NTNG1: variants seen among roughly 807,000 people sequenced by gnomAD.
NTNG1 encodes netrin-G1.
In NTNG1, 16 loss-of-function variants were observed where a neutral mutation model predicts 54.0. The observed-to-expected ratio is 0.30, with a 90% CI of 0.20 to 0.45. NTNG1 has a LOEUF of 0.45. NTNG1 is among the 20% of genes least tolerant of loss of function. NTNG1 has a pLI of 1.00. For synonymous variants in NTNG1, 255 were observed against 263.1 expected (o/e 0.97, Z 0.30); for missense variants, 530 against 678.7 (o/e 0.78, Z 2.43).
chr1:107,463,750 G>A (rs1677427587), intron 7 of NTNG1, among the ~76,000 whole-genome samples: 1 of 151,872 alleles, frequency 6.6e-6, no homozygotes, highest in African/African-American at 2.4e-5. Flanking sequence ...TAAGGCAAGA[G>A]CCCTGATTAT....
intron 2 of NTNG1, among the ~76,000 whole-genome samples, chr1:107,187,253 T>C (rs1466600579): frequency 6.6e-6 from 1 of 152,174 alleles, no homozygotes; most frequent in Non-Finnish European, 1.5e-5. Flanking sequence ...TTTTCATTGT[T>C]ATACCCTAGC....
At chr1:107,319,874 T>C (rs547828942) in intron 2 of NTNG1, among the ~76,000 whole-genome samples, 48 of 150,870 alleles carry the variant, frequency 3.2e-4, no homozygotes, top group African/African-American at 1.1e-3. Context: ...TTTATATATA[T>C]ATATATATAT....
At chr1:107,430,707 CTACTG>C (rs1254435431) in intron 5 of NTNG1, 38 bp from the exon 6 acceptor site, 2 of 1,590,082 alleles carry the variant, frequency 1.3e-6, no homozygotes, top group Admixed American at 3.3e-5. Flanking sequence ...TATTACTCTG[CTACTG>C]TATACACTCT....
At chr1:107,231,874 T>C (rs1034145555) in intron 2 of NTNG1, among the ~76,000 whole-genome samples, 4 of 151,928 alleles carry the variant, frequency 2.6e-5, no homozygotes, top group Admixed American at 2.0e-4. Flanking sequence ...ATTTAGTCCA[T>C]GGATTGACCC....
At chr1:107,472,940 T>C (rs1173113164) in intron 7 of NTNG1, among the ~76,000 whole-genome samples, 1 of 152,160 alleles carries the variant, frequency 6.6e-6, no homozygotes, top group Non-Finnish European at 1.5e-5. Context: ...TAATCACAGC[T>C]CTTCAACTCC....
chr1:107,340,948 G>A (rs1050729204), intron 3 of NTNG1, among the ~76,000 whole-genome samples: 3 of 151,930 alleles, frequency 2.0e-5, no homozygotes, highest in African/African-American at 7.3e-5. Flanking sequence ...ACTAAGTAGT[G>A]GTTATTACCA....
At position 107,205,436 on chromosome 1, in the gene NTNG1, G is replaced by A. The variant is rs573825971; in HGVS notation, c.246+56597G>A. On this transcript the variant is annotated intron_variant, in intron 2 of 7. Coordinates refer to ENST00000370068, the MANE Select transcript of NTNG1 (RefSeq NM_001113226.3). ...TGACTTCCAAGTACCTTGCCTGTCC[G>A]AGCTCAAGCCAGAAATTAGTTATGG... Among the ~76,000 whole-genome samples the A allele has an allele frequency of 2.6e-5, 4 of 152,150 alleles. No homozygotes were observed. In the South Asian group the frequency reaches 6.2e-4, roughly 24 times the overall value.
At chr1:107,444,105 C>T (rs1676156429) in intron 7 of NTNG1, among the ~76,000 whole-genome samples, 1 of 87,094 alleles carries the variant, frequency 1.1e-5, no homozygotes, top group African/African-American at 3.9e-5. Flanking sequence ...GCTAGATGAG[C>T]AAACCCCAGG....
intron 2 of NTNG1, among the ~76,000 whole-genome samples, chr1:107,218,586 T>G (rs1190556414): frequency 1.3e-5 from 2 of 148,378 alleles, no homozygotes; most frequent in Non-Finnish European, 3.0e-5. Context: ...TCTATTTTGG[T>G]GTATTTCACA....
intron 2 of NTNG1, among the ~76,000 whole-genome samples, chr1:107,198,278 T>A (rs1426479977): frequency 6.6e-6 from 1 of 151,988 alleles, no homozygotes; most frequent in Non-Finnish European, 1.5e-5. Context: ...TTCAAAATTA[T>A]ATTGTGGAAG....
chr1:107,378,180 C>A (rs1439230756), intron 3 of NTNG1, among the ~76,000 whole-genome samples: 2 of 152,166 alleles, frequency 1.3e-5, no homozygotes, highest in Non-Finnish European at 2.9e-5. Flanking sequence ...TCTAAACCAA[C>A]CCTGTGCTTC....
intron 2 of NTNG1, among the ~76,000 whole-genome samples, chr1:107,293,706 AAGG>A (rs1397181655): frequency 6.6e-6 from 1 of 152,196 alleles, no homozygotes; most frequent in Non-Finnish European, 1.5e-5. Context: ...GTGATGTTGT[AAGG>A]ATTAAATGAG....
intron 3 of NTNG1, among the ~76,000 whole-genome samples, chr1:107,372,397 G>A (rs1284628276): frequency 6.6e-6 from 1 of 151,746 alleles, no homozygotes; most frequent in Non-Finnish European, 1.5e-5. Flanking sequence ...AATCTCAAAA[G>A]GGAAACTTTT....
At chr1:107,315,038 T>C (rs1667257035) in intron 2 of NTNG1, among the ~76,000 whole-genome samples, 1 of 152,138 alleles carries the variant, frequency 6.6e-6, no homozygotes, top group Non-Finnish European at 1.5e-5. Flanking sequence ...AGTCTTGAAC[T>C]CTTGCTCGCT....
chr1:107,404,197 G>A (rs1673250545), intron 4 of NTNG1, among the ~76,000 whole-genome samples: 1 of 151,396 alleles, frequency 6.6e-6, no homozygotes, highest in Admixed American at 6.6e-5. Context: ...CTTGCCCCTG[G>A]GTGTGTTAGG....
intron 5 of NTNG1, among the ~76,000 whole-genome samples, chr1:107,416,771 C>T (rs546735626): frequency 6.6e-6 from 1 of 152,170 alleles, no homozygotes; most frequent in South Asian, 2.1e-4. Flanking sequence ...ACTTGCATTT[C>T]ATCAAGACAA....
intron 2 of NTNG1, among the ~76,000 whole-genome samples, chr1:107,247,304 T>A (rs1662269731): frequency 6.6e-6 from 1 of 152,180 alleles, no homozygotes; most frequent in Admixed American, 6.5e-5. Flanking sequence ...CAGTCGTAAG[T>A]TTAAAATGAG....
chr1:107,285,010 A>G (rs147387841), intron 2 of NTNG1, among the ~76,000 whole-genome samples: 1 of 152,226 alleles, frequency 6.6e-6, no homozygotes, highest in Non-Finnish European at 1.5e-5. Flanking sequence ...CTGATTGTCA[A>G]TCACATGTAT....
intron 2 of NTNG1, among the ~76,000 whole-genome samples, chr1:107,155,730 C>T (rs1370378991): frequency 6.6e-6 from 1 of 152,122 alleles, no homozygotes; most frequent in East Asian, 1.9e-4. Context: ...TACTCCAAGG[C>T]AGCAAATAAA....
Sources: gnomAD v4.1 joint callset for allele counts (sites outside exome capture counted in the v4.1 genomes callset) on GRCh38, gnomAD v4.1.1 for gene constraint, MANE v1.5 for transcripts, NCBI Gene and HGNC (gene_info 2026-07-23, HGNC 2026-07-21) for gene names.